Variants in SHISA9 observed in about 807,000 individuals in gnomAD.
SHISA9 encodes shisa family member 9.
In SHISA9, 13 loss-of-function variants were observed where a neutral mutation model predicts 38.0. That is an observed-to-expected ratio of 0.34 (90% CI 0.22 to 0.54). SHISA9 has a LOEUF of 0.54. Among genes scored for constraint, SHISA9 ranks in the 20% least tolerant of loss-of-function variants. The pLI is 0.91. For missense variants in SHISA9, 538 were observed against 575.8 expected (o/e 0.93, Z 0.67); for synonymous variants, 275 against 242.0 (o/e 1.14, Z -1.27).
intron 2 of SHISA9, among the ~76,000 whole-genome samples, chr16:13,199,816 C>T (rs966567079): frequency 1.3e-5 from 2 of 152,140 alleles, no homozygotes; most frequent in Non-Finnish European, 1.5e-5. Flanking sequence ...GCTCCATGCT[C>T]GCTTCCATGG....
chr16:13,023,345 G>A lies in SHISA9; in HGVS notation c.691+106530G>A, dbSNP rs1261700136. 2.6e-5 allele frequency among the ~76,000 whole-genome samples: 4 copies of A among 152,228 alleles called. No individual in the cohort carries two copies. In the East Asian group the frequency reaches 7.7e-4, roughly 29 times the overall value. On this transcript the variant is annotated intron_variant, in intron 2 of 4. Transcript: ENST00000558583. ...TCATCCATGTCCCTGCAAAGGACAT[G>A]AACTCATCCTTTTTTATGGCTGCAC...
chr16:12,907,826 G>A (rs11075171), intron 1 of SHISA9, among the ~76,000 whole-genome samples: 123,465 of 152,132 alleles, frequency 0.81, 51,236 homozygotes, highest in East Asian at 1. Flanking sequence ...GCATTTTCAC[G>A]CAGCAGCTAT....
At chr16:13,354,651 C>T in the SHISA9 span, among the ~76,000 whole-genome samples, 4 of 149,450 alleles carry the variant, frequency 2.7e-5, no homozygotes, top group Non-Finnish European at 6.0e-5. Flanking sequence ...CAGCGGCAGC[C>T]GCTGCACGCA....
At chr16:13,439,878 A>T in the SHISA9 span, among the ~76,000 whole-genome samples, 1 of 152,108 alleles carries the variant, frequency 6.6e-6, no homozygotes, top group African/African-American at 2.4e-5. Flanking sequence ...CTGGGAGTCA[A>T]CTCTGCTTCT....
intron 2 of SHISA9, among the ~76,000 whole-genome samples, chr16:13,004,804 C>T (rs939232806): frequency 6.6e-5 from 10 of 151,620 alleles, no homozygotes; most frequent in Non-Finnish European, 1.0e-4. Context: ...CGGTGGTGGG[C>T]ACCTGTAATC....
At chr16:13,369,525 T>G in the SHISA9 span, among the ~76,000 whole-genome samples, 1 of 151,984 alleles carries the variant, frequency 6.6e-6, no homozygotes, top group Admixed American at 6.6e-5. Flanking sequence ...AAGTTTACTT[T>G]CTTGGGACCC....
intron 2 of SHISA9, among the ~76,000 whole-genome samples, chr16:13,043,663 A>G (rs1471699454): frequency 1.3e-5 from 2 of 152,226 alleles, no homozygotes; most frequent in African/African-American, 4.8e-5. Flanking sequence ...ATATCCTCAG[A>G]GCTGCATCCC....
chr16:13,346,308 C>A, the SHISA9 span, among the ~76,000 whole-genome samples: 1 of 152,142 alleles, frequency 6.6e-6, no homozygotes, highest in South Asian at 2.1e-4. Context: ...GCGACGCCAC[C>A]AGATATTCAT....
At chr16:13,254,786 G>A in the SHISA9 span, among the ~76,000 whole-genome samples, 1 of 152,210 alleles carries the variant, frequency 6.6e-6, no homozygotes, top group African/African-American at 2.4e-5. Flanking sequence ...GAAAGCACTG[G>A]ACTTCAACAA....
At chr16:13,405,098 G>T in the SHISA9 span, among the ~76,000 whole-genome samples, 3 of 152,206 alleles carry the variant, frequency 2.0e-5, no homozygotes, top group African/African-American at 4.8e-5. Context: ...AAAGGGTCTT[G>T]CCCCTCAGAG....
the SHISA9 span, among the ~76,000 whole-genome samples, chr16:13,367,747 C>CACACACACACCCCT: frequency 6.7e-6 from 1 of 148,802 alleles, no homozygotes; most frequent in Non-Finnish European, 1.5e-5. Context: ...CACACACACA[C>CACACACACACCCCT]ACCCCTGAAT....
the SHISA9 span, among the ~76,000 whole-genome samples, chr16:13,282,116 G>A: frequency 6.6e-6 from 1 of 151,820 alleles, no homozygotes; most frequent in African/African-American, 2.4e-5. Flanking sequence ...GTACATTCAA[G>A]TTTCTATCTG....
chr16:13,317,380 C>A, the SHISA9 span, among the ~76,000 whole-genome samples: 4 of 152,214 alleles, frequency 2.6e-5, no homozygotes, highest in African/African-American at 9.6e-5. Context: ...AGTGTAAACT[C>A]AGCAGGGAGT....
chr16:13,516,392 C>A, the SHISA9 span, among the ~76,000 whole-genome samples: 1 of 152,144 alleles, frequency 6.6e-6, no homozygotes, highest in Non-Finnish European at 1.5e-5. Context: ...TTGGAGAAAA[C>A]CCCTACAGAA....
intron 2 of SHISA9, among the ~76,000 whole-genome samples, chr16:13,177,229 C>T (rs1195196935): frequency 1.3e-5 from 2 of 152,198 alleles, no homozygotes; most frequent in African/African-American, 4.8e-5. Context: ...GCTCTCTGAT[C>T]TTTTTCCTCT....
chr16:13,112,531 G>T (rs1483759866), intron 2 of SHISA9, among the ~76,000 whole-genome samples: 3 of 152,118 alleles, frequency 2.0e-5, no homozygotes, highest in Non-Finnish European at 4.4e-5. Flanking sequence ...CCACGCCACA[G>T]CTACTGAATC....
chr16:13,267,489 A>G, the SHISA9 span, among the ~76,000 whole-genome samples: 2 of 152,334 alleles, frequency 1.3e-5, no homozygotes, highest in African/African-American at 2.4e-5. Flanking sequence ...TTGGCAATGT[A>G]TATCAACAGC....
the SHISA9 span, among the ~76,000 whole-genome samples, chr16:13,404,392 G>A: frequency 7.9e-5 from 12 of 152,270 alleles, no homozygotes; most frequent in East Asian, 1.3e-3. Context: ...TGTCCTCATC[G>A]GGGAAGTAAA....
At chr16:13,401,533 T>TTAACAAA in the SHISA9 span, among the ~76,000 whole-genome samples, 1,063 of 152,266 alleles carry the variant, frequency 7.0e-3, 5 homozygotes, top group Non-Finnish European at 0.011. Flanking sequence ...TGTGAGGAAG[T>TTAACAAA]GATAAAGATT....
Sources: allele counts gnomAD v4.1 joint callset (sites outside exome capture counted in the v4.1 genomes callset), GRCh38; gene constraint gnomAD v4.1.1; transcripts MANE v1.5; gene names NCBI Gene and HGNC (gene_info 2026-07-23, HGNC 2026-07-21).